Variants in INSYN2B observed in about 807,000 individuals in gnomAD.
The protein encoded by INSYN2B is protein INSYN2B.
INSYN2B carries 16 observed loss-of-function variants against 41.2 expected under a neutral mutation model. The observed-to-expected ratio is 0.39, with a 90% confidence interval of 0.26 to 0.59. INSYN2B has a LOEUF of 0.59. Ranked by LOEUF, INSYN2B falls within the 20% of genes least tolerant of loss-of-function variation. INSYN2B has a pLI of 0.57. For synonymous variants in INSYN2B, 245 were observed against 244.4 expected (o/e 1.00, Z -0.02); for missense variants, 608 against 646.4 (o/e 0.94, Z 0.64).
intron 1 of INSYN2B, among the ~76,000 whole-genome samples, chr5:169,947,810 G>A (rs946729591): frequency 6.6e-6 from 1 of 152,142 alleles, no homozygotes; most frequent in African/African-American, 2.4e-5. Context: ...TGCTGGGTGA[G>A]CATGAGCATA....
chr5:169,900,481 G>A (rs1773861091), intron 1 of INSYN2B, among the ~76,000 whole-genome samples: 2 of 152,188 alleles, frequency 1.3e-5, no homozygotes, highest in South Asian at 4.1e-4. Context: ...AGGAGGCATG[G>A]CATGAAGGAC....
chr5:169,939,010 TCTC>T (rs1776115144), intron 1 of INSYN2B, among the ~76,000 whole-genome samples: 1 of 151,762 alleles, frequency 6.6e-6, no homozygotes. Context: ...TTCACGCCAT[TCTC>T]CTACCTTAGC....
chr5:169,864,056 G>A lies in INSYN2B; in HGVS notation c.*217C>T, dbSNP rs1287731410. On this transcript the variant is annotated 3_prime_UTR_variant, in exon 4 of 4. Transcript: ENST00000377365. ...TTGGCAAGCGGTCACTCTAGTGTCC[G>A]TGAAGCCCTCAGCAAGCAGTCGCAC... is the stretch of plus-strand genomic sequence containing the variant. 2.0e-5 allele frequency among the ~76,000 whole-genome samples: 3 copies of A among 152,288 alleles called. No individual in the cohort carries two copies. The highest frequency in any genetic ancestry group is 4.1e-4 in the South Asian group (2 of 4,824).
At chr5:169,964,873 T>C (rs1777237533) in intron 1 of INSYN2B, among the ~76,000 whole-genome samples, 1 of 152,268 alleles carries the variant, frequency 6.6e-6, no homozygotes, top group Non-Finnish European at 1.5e-5. Context: ...GCTTAGCTAG[T>C]ATCTGGCACA....
At chr5:169,867,953 A>G (rs549079568) in intron 3 of INSYN2B, among the ~76,000 whole-genome samples, 10 of 152,334 alleles carry the variant, frequency 6.6e-5, no homozygotes, top group Admixed American at 6.5e-4. Flanking sequence ...AGGAACACAC[A>G]TAGTTCACAG....
At position 169,883,338 on chromosome 5, in the gene INSYN2B, C is replaced by T. The variant is rs1439024937; in HGVS notation, c.561G>A (p.Leu187=). The change falls in exon 2 of 4, where the codon TTG becomes TTA. Residue 187 remains leucine, a synonymous_variant. Coordinates refer to ENST00000377365, the MANE Select transcript of INSYN2B (RefSeq NM_001129891.3). ...CTAAGGACCTCCAAGTTCCTGCTTC[C>T]AAGCATATGCTAACAGGACCATTGC... ...VQSNGPVSIC[L]EAGTWRSLEK... is the part of the protein sequence containing the mutation. 3 of 1,551,578 alleles carry T rather than the reference C, an allele frequency of 1.9e-6. No individual in the cohort carries two copies. Among genetic ancestry groups the T allele is most frequent in the Admixed American group, 2.0e-5 (1 of 50,998 alleles).
At chr5:169,878,937 G>C (rs1024002716) in intron 3 of INSYN2B, among the ~76,000 whole-genome samples, 1 of 152,180 alleles carries the variant, frequency 6.6e-6, no homozygotes, top group African/African-American at 2.4e-5. Context: ...AGGCATTGGT[G>C]TTGGGTCTGT....
chr5:169,876,529 G>A (rs1052159997), intron 3 of INSYN2B, among the ~76,000 whole-genome samples: 50 of 152,188 alleles, frequency 3.3e-4, no homozygotes, highest in Non-Finnish European at 1.6e-4. Context: ...GAAGTCCTGG[G>A]CAATAATGTC....
chr5:169,885,535 C>T (rs555972150), intron 1 of INSYN2B, among the ~76,000 whole-genome samples: 7 of 152,274 alleles, frequency 4.6e-5, no homozygotes, highest in Admixed American at 1.3e-4. Flanking sequence ...TTTCTTATTG[C>T]TTTTCAGGAG....
At position 169,882,696 on chromosome 5, in the gene INSYN2B, T is replaced by C. The variant is rs1772725974; in HGVS notation, c.1203A>G (p.Gln401=). Residue 401 remains glutamine (Q), a synonymous_variant, in exon 2 of 4, where the codon CAA becomes CAG. Coordinates refer to ENST00000377365, the MANE Select transcript of INSYN2B (RefSeq NM_001129891.3). ...AGAGTTCACCCCGTGCCAGGTGAAT[T>C]TGATTAATGTCACTAATCTCCCTGT... ...QSNREISDIN[Q]IHLARGELCD... 2 of 1,552,054 alleles carry C rather than the reference T, an allele frequency of 1.3e-6. No individual in the cohort carries two copies. The highest frequency in any genetic ancestry group is 8.7e-7 in the Non-Finnish European group (1 of 1,147,038).
chr5:169,952,742 G>T (rs1192609979), intron 1 of INSYN2B, among the ~76,000 whole-genome samples: 1 of 152,176 alleles, frequency 6.6e-6, no homozygotes, highest in East Asian at 1.9e-4. Context: ...GGTAGGGGTT[G>T]TCATTGTTCC....
At chr5:169,882,344 A>C (rs1581350761) in intron 2 of INSYN2B, among the ~76,000 whole-genome samples, 1 of 152,212 alleles carries the variant, frequency 6.6e-6, no homozygotes, top group South Asian at 2.1e-4. Flanking sequence ...AACAAACAGC[A>C]GTAGAAATCC....
chr5:169,881,977 G>T (rs773000973), intron 2 of INSYN2B, among the ~76,000 whole-genome samples: 1 of 152,176 alleles, frequency 6.6e-6, no homozygotes, highest in African/African-American at 2.4e-5. Flanking sequence ...ACCCAGGAAA[G>T]CATTTTGTGA....
At chr5:169,964,065 G>A (rs1453018629) in intron 1 of INSYN2B, among the ~76,000 whole-genome samples, 1 of 152,096 alleles carries the variant, frequency 6.6e-6, no homozygotes, top group Non-Finnish European at 1.5e-5. Flanking sequence ...AAAGGTTGAG[G>A]TACAAATAAA....
At chr5:169,958,235 A>G (rs1485354501) in intron 1 of INSYN2B, among the ~76,000 whole-genome samples, 3 of 152,178 alleles carry the variant, frequency 2.0e-5, no homozygotes, top group African/African-American at 7.2e-5. Flanking sequence ...TTGCAAAAAA[A>G]AAAGGCACCT....
chr5:169,893,388 T>A (rs974100521), intron 1 of INSYN2B, among the ~76,000 whole-genome samples: 2 of 152,214 alleles, frequency 1.3e-5, no homozygotes, highest in African/African-American at 4.8e-5. Flanking sequence ...TATCTCTGTA[T>A]TTCTCAGCAT....
At chr5:169,923,483 GCACACACACA>G (rs34053722) in intron 1 of INSYN2B, among the ~76,000 whole-genome samples, 1 of 148,830 alleles carries the variant, frequency 6.7e-6, no homozygotes, top group African/African-American at 2.5e-5. Flanking sequence ...ATGCACGTGG[GCACACACACA>G]CACACACACA....
rs142547306 is a variant in INSYN2B at position 169,918,113 on chromosome 5, A to G, written c.-918-33297T>C. ...AAAGTCAAACCTTAGTAGAATTTGA[A>G]AGCTTAAAAATATCCTGTTCAATTT... On this transcript the variant is annotated intron_variant, in intron 1 of 3. Coordinates refer to ENST00000377365, the MANE Select transcript of INSYN2B (RefSeq NM_001129891.3). Among the ~76,000 whole-genome samples, 817 of 152,322 alleles carry G rather than the reference A, an allele frequency of 5.4e-3. 8 individuals carry two copies. Among genetic ancestry groups the G allele is most frequent in the African/African-American group, 0.018 (742 of 41,576 alleles).
At chr5:169,911,575 G>A (rs1774601791) in intron 1 of INSYN2B, among the ~76,000 whole-genome samples, 2 of 152,184 alleles carry the variant, frequency 1.3e-5, no homozygotes, top group East Asian at 3.9e-4. Flanking sequence ...TATACTTTAT[G>A]AGGACATAAT....
Sources: gnomAD v4.1 joint callset for allele counts (sites outside exome capture counted in the v4.1 genomes callset) on GRCh38, gnomAD v4.1.1 for gene constraint, MANE v1.5 for transcripts, NCBI Gene and HGNC (gene_info 2026-07-23, HGNC 2026-07-21) for gene names.